TMEM245: variants seen among roughly 807,000 people sequenced by gnomAD.
TMEM245 encodes transmembrane protein 245.
TMEM245 carries 69 observed loss-of-function variants against 101.2 expected under a neutral mutation model. The observed-to-expected ratio is 0.68, with a 90% confidence interval of 0.56 to 0.83. TMEM245 has a LOEUF of 0.83. TMEM245 is among the 40% of genes least tolerant of loss of function. The pLI is 0.00. For synonymous variants in TMEM245, 537 were observed against 449.8 expected, an observed-to-expected ratio of 1.19 and a Z score of -2.45; for missense variants, 1,075 against 1,092.8, an observed-to-expected ratio of 0.98 and a Z score of 0.23.
intron 5 of TMEM245, among the ~76,000 whole-genome samples, chr9:109,088,595 G>A (rs961418874): frequency 2.0e-5 from 3 of 151,794 alleles, no homozygotes; most frequent in African/African-American, 4.8e-5. Flanking sequence ...CGAGGCGGGC[G>A]GATCACGAGA....
rs760351151 is a variant in TMEM245 at position 109,036,268 on chromosome 9, C to T, written c.2337G>A (p.Leu779=). 6.2e-7 allele frequency: 1 copy of T among 1,613,460 alleles called. No individual in the cohort carries two copies. Among genetic ancestry groups the T allele is most frequent in the Admixed American group, 1.7e-5 (1 of 59,844 alleles). ...TQGLGCKAIL[L]LIFHLLPTYF... The stretch of plus-strand genomic sequence containing the variant: ...ATGTTGGCAAGAGATGAAAAATCAA[C>T]AGTAAAATGGCCTTGCATCCTAACC... Residue 779 remains leucine (L), a synonymous_variant, in exon 16 of 18, where the codon CTG becomes CTA. Transcript: ENST00000374586.
intron 1 of TMEM245, among the ~76,000 whole-genome samples, chr9:109,110,619 G>C (rs1186048824): frequency 6.6e-6 from 1 of 151,856 alleles, no homozygotes; most frequent in Non-Finnish European, 1.5e-5. Context: ...ACGTCAGTTA[G>C]CCCCACCCTA....
intron 1 of TMEM245, among the ~76,000 whole-genome samples, chr9:109,118,028 T>A (rs1001391319): frequency 6.6e-6 from 1 of 152,240 alleles, no homozygotes; most frequent in African/African-American, 2.4e-5. Context: ...TCACATTCTC[T>A]GGGCCTGTGG....
chr9:109,117,543 G>A (rs954637466), intron 1 of TMEM245, among the ~76,000 whole-genome samples: 1 of 152,154 alleles, frequency 6.6e-6, no homozygotes, highest in Non-Finnish European at 1.5e-5. Context: ...ACAAAGATGA[G>A]GGTTTATCTT....
chr9:109,113,821 G>A (rs910723072), intron 1 of TMEM245, among the ~76,000 whole-genome samples: 7 of 152,186 alleles, frequency 4.6e-5, no homozygotes, highest in African/African-American at 1.4e-4. Flanking sequence ...AGGGTGCAGT[G>A]GCTCACACCT....
chr9:109,039,180 T>C (rs1374947976), intron 14 of TMEM245: 1 of 152,196 alleles, frequency 6.6e-6, no homozygotes, highest in Admixed American at 6.5e-5. Flanking sequence ...AGTAGTGTTC[T>C]GGGACATGGA....
intron 3 of TMEM245, among the ~76,000 whole-genome samples, chr9:109,097,302 G>T (rs1013566995): frequency 2.6e-5 from 4 of 152,178 alleles, no homozygotes; most frequent in Non-Finnish European, 4.4e-5. Context: ...AAAAGCAGAG[G>T]TGCCCTCTTC....
Position 109,086,018 on chromosome 9 carries a change from G to A in TMEM245, c.1323C>T (p.Leu441=), listed in dbSNP as rs199940608. Residue 441 remains leucine, a splice_region_variant and synonymous_variant, in exon 7 of 18, where the codon CTC becomes CTT. Coordinates refer to ENST00000374586, the MANE Select transcript of TMEM245 (RefSeq NM_032012.4). ...TTACCTTCTTATTTAGCCAGTGCCAGAGCTTGAGGATAGGGGGTAAGGTGA... is the reference window on the plus strand; with the variant it reads ...TTACCTTCTTATTTAGCCAGTGCCAAAGCTTGAGGATAGGGGGTAAGGTGA... ...GKFLLKVDSK[L]WHWLNKKMII... The A allele has an allele frequency of 6.2e-7, 1 of 1,613,776 alleles. No homozygotes were observed. The highest frequency in any genetic ancestry group is 1.3e-5 in the African/African-American group (1 of 74,770).
At chr9:109,028,781 G>A (rs969919694) in intron 17 of TMEM245, among the ~76,000 whole-genome samples, 2 of 152,116 alleles carry the variant, frequency 1.3e-5, no homozygotes, top group African/African-American at 4.8e-5. Context: ...CCTATGAAGA[G>A]AGGCAGCCTC....
chr9:109,090,700 G>A (rs1030473810), intron 5 of TMEM245, among the ~76,000 whole-genome samples: 1 of 149,120 alleles, frequency 6.7e-6, no homozygotes, highest in Admixed American at 6.7e-5. Flanking sequence ...CTTCCAGCCT[G>A]GGCAAGACTC....
intron 3 of TMEM245, among the ~76,000 whole-genome samples, chr9:109,102,682 A>G (rs1830309218): frequency 6.6e-6 from 1 of 152,264 alleles, no homozygotes; most frequent in East Asian, 1.9e-4. Context: ...ATCTGTAGAC[A>G]GTGAGATTTT....
In TMEM245 at chr9:109,083,065, G is replaced by A. The variant is rs541262847; in HGVS notation, c.1345-2122C>T. Among the ~76,000 whole-genome samples, 417 of 151,490 alleles carry A rather than the reference G, an allele frequency of 2.8e-3. 1 individual carries two copies. Among genetic ancestry groups the A allele is most frequent in the Middle Eastern group, 6.8e-3 (2 of 292 alleles). ...GAGGAAAGAGTGGGAAAGAGAAACA[G>A]AGACTAAGATTTATTCAAGAATAAA... On this transcript the variant is annotated intron_variant, in intron 7 of 17. Transcript: ENST00000374586.
intron 17 of TMEM245, among the ~76,000 whole-genome samples, chr9:109,028,811 T>G (rs1357553776): frequency 6.6e-6 from 1 of 152,096 alleles, no homozygotes; most frequent in African/African-American, 2.4e-5. Context: ...TGAGCCTCAG[T>G]TATACAACTA....
chr9:109,028,336 C>A (rs1222098728), intron 17 of TMEM245, among the ~76,000 whole-genome samples: 1 of 151,884 alleles, frequency 6.6e-6, no homozygotes. Flanking sequence ...TACCTGTAAT[C>A]CCCGCTACTC....
intron 8 of TMEM245, among the ~76,000 whole-genome samples, chr9:109,075,247 T>G (rs1399049687): frequency 6.6e-6 from 1 of 152,212 alleles, no homozygotes; most frequent in African/African-American, 2.4e-5. Context: ...ATTTTCCTTT[T>G]TACATACTGC....
chr9:109,103,861 G>A lies in TMEM245; in HGVS notation c.799+2647C>T, dbSNP rs188232009. Among the ~76,000 whole-genome samples the A allele has an allele frequency of 2.6e-4, 40 of 152,158 alleles. No homozygotes were observed. In the East Asian group the frequency reaches 6.8e-3, roughly 26 times the overall value. On this transcript the variant is annotated intron_variant, in intron 3 of 17. Coordinates refer to ENST00000374586, the MANE Select transcript of TMEM245 (RefSeq NM_032012.4). ...AGCACTTTGGGAGGCCAAGGCAGGC[G>A]GACCACCAGAGATCAGGAGTTCGAG...
chr9:109,078,197 C>A (rs1409243357), intron 8 of TMEM245, among the ~76,000 whole-genome samples: 1 of 152,158 alleles, frequency 6.6e-6, no homozygotes, highest in Non-Finnish European at 1.5e-5. Flanking sequence ...CTTGCCAGCC[C>A]TCTTCTTTGT....
intron 17 of TMEM245, among the ~76,000 whole-genome samples, chr9:109,021,322 C>A (rs901083049): frequency 6.6e-6 from 1 of 152,148 alleles, no homozygotes; most frequent in African/African-American, 2.4e-5. Context: ...TGCCTCACAC[C>A]AAGGCTGGCA....
chr9:109,082,536 G>C (rs908277039), intron 7 of TMEM245, among the ~76,000 whole-genome samples: 5 of 152,090 alleles, frequency 3.3e-5, no homozygotes, highest in Admixed American at 1.3e-4. Context: ...TTAGCACGTG[G>C]TAAGCATTCA....
Sources: allele counts gnomAD v4.1 joint callset (sites outside exome capture counted in the v4.1 genomes callset), GRCh38; gene constraint gnomAD v4.1.1; transcripts MANE v1.5; gene names NCBI Gene and HGNC (gene_info 2026-07-23, HGNC 2026-07-21).